The following ATG10 variants were observed in gnomAD, a reference collection of about 807,000 sequenced individuals.
ATG10 encodes the protein autophagy related 10.
ATG10 carries 30 observed loss-of-function variants against 32.1 expected under a neutral mutation model. The observed-to-expected ratio is 0.94, with a 90% CI of 0.70 to 1.27. The LOEUF is 1.27. ATG10 is among the 50% of genes most tolerant of loss of function. ATG10 has a pLI of 0.00. For missense variants in ATG10, 233 were observed against 262.3 expected, an observed-to-expected ratio of 0.89 and a Z score of 0.77; for synonymous variants, 87 against 91.5, an observed-to-expected ratio of 0.95 and a Z score of 0.28.
Position 82,252,606 on chromosome 5 carries a change from C to T in ATG10, c.498C>T (p.Cys166=). 1 of 1,608,162 alleles carries T rather than the reference C, an allele frequency of 6.2e-7. No individual in the cohort carries two copies. Among genetic ancestry groups the T allele is most frequent in the Non-Finnish European group, 8.5e-7 (1 of 1,177,466 alleles). The change falls in exon 6 of 8, where the codon TGC becomes TGT. Residue 166 remains cysteine, a synonymous_variant. Coordinates refer to ENST00000282185, the MANE Select transcript of ATG10 (RefSeq NM_031482.5). ...LGQPFFVLHP[C]KTNEFMTPVL... is the part of the protein sequence containing the mutation. ...AACCCTTTTTTGTACTTCATCCCTG[C>T]AAGACGAATGAATTCATGACTCCTG...
At chr5:82,006,460 A>G (rs1761987654) in intron 2 of ATG10, among the ~76,000 whole-genome samples, 1 of 152,190 alleles carries the variant, frequency 6.6e-6, no homozygotes, top group Admixed American at 6.5e-5. Flanking sequence ...TGTGGCATAT[A>G]TGAAGTGATG....
chr5:82,149,711 AT>A (rs1318268615), intron 3 of ATG10, among the ~76,000 whole-genome samples: 1 of 152,212 alleles, frequency 6.6e-6, no homozygotes, highest in Non-Finnish European at 1.5e-5. Flanking sequence ...TTTTTAGCTG[AT>A]AATGATTTAA....
chr5:82,023,282 T>A (rs1210769423), intron 2 of ATG10, among the ~76,000 whole-genome samples: 1 of 152,162 alleles, frequency 6.6e-6, no homozygotes, highest in Non-Finnish European at 1.5e-5. Flanking sequence ...TAGATTTTTT[T>A]AAGTTTGCTT....
chr5:82,034,534 T>C (rs1490376681), intron 2 of ATG10, among the ~76,000 whole-genome samples: 1 of 152,214 alleles, frequency 6.6e-6, no homozygotes, highest in Non-Finnish European at 1.5e-5. Flanking sequence ...TATAACTCTT[T>C]TACTAAAAAC....
intron 5 of ATG10, among the ~76,000 whole-genome samples, chr5:82,206,388 C>G (rs1745298429): frequency 1.3e-5 from 2 of 152,096 alleles, no homozygotes; most frequent in Admixed American, 1.3e-4. Context: ...TGGCTCACAC[C>G]TGTAATCCCA....
At chr5:82,083,343 T>C (rs1305580261) in intron 3 of ATG10, among the ~76,000 whole-genome samples, 2 of 152,206 alleles carry the variant, frequency 1.3e-5, no homozygotes, top group Non-Finnish European at 2.9e-5. Context: ...AAGCTCGAAC[T>C]GGGTGGAGCC....
At chr5:82,032,394 A>G (rs1360999191) in intron 2 of ATG10, among the ~76,000 whole-genome samples, 5 of 152,092 alleles carry the variant, frequency 3.3e-5, no homozygotes, top group African/African-American at 9.7e-5. Context: ...CAATATTCCA[A>G]TTCTTTGATT....
intron 5 of ATG10, among the ~76,000 whole-genome samples, chr5:82,209,523 A>T (rs1456949129): frequency 6.6e-6 from 1 of 152,182 alleles, no homozygotes. Context: ...AACAAGCACC[A>T]TGTGTGTTGG....
intron 5 of ATG10, among the ~76,000 whole-genome samples, chr5:82,204,871 T>A (rs977468219): frequency 6.6e-6 from 1 of 152,072 alleles, no homozygotes; most frequent in Admixed American, 6.6e-5. Flanking sequence ...ATGTCAGGAA[T>A]AGAAATGTAG....
At chr5:82,124,207 G>A (rs888662660) in intron 3 of ATG10, among the ~76,000 whole-genome samples, 2 of 150,952 alleles carry the variant, frequency 1.3e-5, no homozygotes, top group Non-Finnish European at 2.9e-5. Flanking sequence ...GCTTCACCAC[G>A]TTAGCCAGGA....
intron 5 of ATG10, among the ~76,000 whole-genome samples, chr5:82,204,738 G>A (rs1281194767): frequency 1.3e-5 from 2 of 152,166 alleles, no homozygotes; most frequent in African/African-American, 4.8e-5. Flanking sequence ...ACAGTGTTTG[G>A]GGAAATTGGC....
chr5:82,251,394 T>C (rs1044712903), intron 5 of ATG10, among the ~76,000 whole-genome samples: 2 of 152,206 alleles, frequency 1.3e-5, no homozygotes, highest in Non-Finnish European at 2.9e-5. Flanking sequence ...CTGTTTTACT[T>C]GTCCCACTCC....
chr5:82,112,896 C>G (rs986908262), intron 3 of ATG10, among the ~76,000 whole-genome samples: 3 of 151,840 alleles, frequency 2.0e-5, no homozygotes, highest in Non-Finnish European at 4.4e-5. Flanking sequence ...AAATTGGTAT[C>G]AGCCTTGGGA....
chr5:82,040,333 A>G (rs539128286), intron 2 of ATG10, among the ~76,000 whole-genome samples: 8 of 152,346 alleles, frequency 5.3e-5, no homozygotes, highest in African/African-American at 1.9e-4. Context: ...CAAAGAATAA[A>G]AACAAACTGT....
intron 3 of ATG10, among the ~76,000 whole-genome samples, chr5:82,098,487 T>C (rs556301882): frequency 6.6e-6 from 1 of 152,140 alleles, no homozygotes; most frequent in African/African-American, 2.4e-5. Flanking sequence ...ATTTTTGTTT[T>C]TTTAGTAGAG....
chr5:82,229,730 C>T (rs1746272623), intron 5 of ATG10, among the ~76,000 whole-genome samples: 1 of 152,110 alleles, frequency 6.6e-6, no homozygotes, highest in African/African-American at 2.4e-5. Flanking sequence ...ATAGTCAGTC[C>T]TCCATGTCTG....
chr5:81,982,101 A>G (rs1048650562), intron 1 of ATG10, among the ~76,000 whole-genome samples: 1 of 152,248 alleles, frequency 6.6e-6, no homozygotes, highest in African/African-American at 2.4e-5. Context: ...ATGTCACAAA[A>G]CAAAAACAAA....
chr5:82,183,730 AT>A (rs1205033867), intron 5 of ATG10, among the ~76,000 whole-genome samples: 2 of 152,164 alleles, frequency 1.3e-5, no homozygotes, highest in African/African-American at 4.8e-5. Context: ...TACCTGAGGT[AT>A]GCTTTGATTA....
At chr5:82,200,008 G>A (rs1310309008) in intron 5 of ATG10, among the ~76,000 whole-genome samples, 1 of 152,114 alleles carries the variant, frequency 6.6e-6, no homozygotes, top group Admixed American at 6.6e-5. Context: ...TTGTATGAAT[G>A]TACAGCATTT....
Sources: gnomAD v4.1 joint callset for allele counts (sites outside exome capture counted in the v4.1 genomes callset) on GRCh38, gnomAD v4.1.1 for gene constraint, MANE v1.5 for transcripts, NCBI Gene and HGNC (gene_info 2026-07-23, HGNC 2026-07-21) for gene names.